Variants in PLB1 observed in about 807,000 individuals in gnomAD.
PLB1 encodes phospholipase B1, membrane-associated.
Under a neutral mutation model 227.4 loss-of-function variants are expected in PLB1, and 242 were observed. That is an observed-to-expected ratio of 1.06 (90% CI 0.96 to 1.18). The LOEUF (loss-of-function observed/expected upper bound fraction) is 1.18, where lower values mean the gene tolerates loss of function less well. PLB1 is among the 50% of genes most tolerant of loss of function. PLB1 has a pLI of 0.00. For synonymous variants in PLB1, 757 were observed against 682.2 expected, an observed-to-expected ratio of 1.11 and a Z score of -1.71; for missense variants, 1,858 against 1,816.3, an observed-to-expected ratio of 1.02 and a Z score of -0.42.
intron 13 of PLB1, among the ~76,000 whole-genome samples, chr2:28,542,182 C>T (rs997335473): frequency 6.6e-6 from 1 of 151,894 alleles, no homozygotes; most frequent in Admixed American, 6.6e-5. Flanking sequence ...GAGGCCTGGG[C>T]CATACATCTG....
chr2:28,608,028 A>G (rs1684924962), intron 43 of PLB1, among the ~76,000 whole-genome samples: 1 of 152,206 alleles, frequency 6.6e-6, no homozygotes, highest in South Asian at 2.1e-4. Flanking sequence ...GATCAGGCAG[A>G]GACCCCCAAA....
rs114314054 is a variant in PLB1 at position 28,563,217 on chromosome 2, G to T, written c.1206+118G>T. On this transcript the variant is annotated intron_variant, in intron 18 of 57. Transcript: ENST00000327757. Reference sequence around the variant, plus strand: ...CCTGGCTCTTAGATGCTACCATCTCGGGTCCTGATCTCCATCTCTCCATTG... The same window carrying T: ...CCTGGCTCTTAGATGCTACCATCTCTGGTCCTGATCTCCATCTCTCCATTG... The T allele has an allele frequency of 1.7e-3, 1,671 of 1,007,568 alleles. 19 individuals carry two copies. In the African/African-American group the frequency reaches 0.023, roughly 14 times the overall value. 62.4% of individuals were successfully genotyped at this position (1,007,568 alleles called of 1,614,324 possible).
In PLB1 at chr2:28,625,040, C is replaced by G; in HGVS notation, c.3528-17C>G. ...CCTGAGCCGGCACTAACGCCCCTCT[C>G]TCTACCCCCCACCTAGGGACATGCC... On this transcript the variant is annotated splice_polypyrimidine_tract_variant and intron_variant, in intron 49 of 57. Coordinates refer to ENST00000327757, the MANE Select transcript of PLB1 (RefSeq NM_153021.5). 1.2e-6 allele frequency: 2 copies of G among 1,612,960 alleles called. No homozygotes were observed. The highest frequency in any genetic ancestry group is 1.7e-4 in the Middle Eastern group (1 of 6,058).
chr2:28,589,337 A>G, intron 26 of PLB1, 113 bp from the exon 27 acceptor site: 1 of 782,150 alleles, frequency 1.3e-6, no homozygotes, highest in Non-Finnish European at 2.1e-6. Flanking sequence ...CACCAGGTTG[A>G]TTTCACTCAA....
At chr2:28,631,526 A>C (rs561608756) in intron 54 of PLB1, among the ~76,000 whole-genome samples, 1 of 152,308 alleles carries the variant, frequency 6.6e-6, no homozygotes, top group Admixed American at 6.5e-5. Flanking sequence ...AAGTACATCT[A>C]GTCTGTTCCT....
At position 28,603,959 on chromosome 2, in the gene PLB1, TG is replaced by T; in HGVS notation, c.2775-6del. 1 of 1,613,948 alleles carries T rather than the reference TG, an allele frequency of 6.2e-7. No individual in the cohort carries two copies. Among genetic ancestry groups the T allele is most frequent in the Non-Finnish European group, 8.5e-7 (1 of 1,179,806 alleles). ...CTGGGGCCTCCTGCCTCCCCCTCTT[TG>T]TGCAGCGTTTTGTGTAACTGCGTTC... On this transcript the variant is annotated splice_polypyrimidine_tract_variant and splice_region_variant and intron_variant, in intron 39 of 57. Transcript: ENST00000327757.
At chr2:28,628,414 G>A in intron 51 of PLB1, 149 bp from the exon 52 acceptor site, 1 of 662,112 alleles carries the variant, frequency 1.5e-6, no homozygotes, top group Non-Finnish European at 2.7e-6. Flanking sequence ...GCAGCAACAA[G>A]AACTGGGCTT....
At chr2:28,508,581 C>T (rs548340918) in intron 1 of PLB1, among the ~76,000 whole-genome samples, 5 of 152,330 alleles carry the variant, frequency 3.3e-5, no homozygotes, top group Non-Finnish European at 5.9e-5. Flanking sequence ...CATAGGGTGA[C>T]AGCTTACAGC....
At chr2:28,633,135 C>CT (rs1234791178) in intron 56 of PLB1, 96 bp downstream of exon 56, 1 of 1,069,992 alleles carries the variant, frequency 9.3e-7, no homozygotes. Context: ...GACATGGCTC[C>CT]TTTCTCCCCA....
intron 56 of PLB1, among the ~76,000 whole-genome samples, chr2:28,639,227 T>A (rs1365551850): frequency 6.6e-6 from 1 of 151,484 alleles, no homozygotes; most frequent in African/African-American, 2.4e-5. Flanking sequence ...AGATGGGAAA[T>A]GAGAAACAAT....
chr2:28,525,346 G>A lies in PLB1; in HGVS notation c.284+39G>A, dbSNP rs199580136. On this transcript the variant is annotated intron_variant, in intron 5 of 57. Coordinates refer to ENST00000327757, the MANE Select transcript of PLB1 (RefSeq NM_153021.5). ...AAACACAGAAAACAGAAAGGAGCCCGGAGATGCTCCCATCTAATCTTCTTG... is the reference window on the plus strand; with the variant it reads ...AAACACAGAAAACAGAAAGGAGCCCAGAGATGCTCCCATCTAATCTTCTTG... The A allele has an allele frequency of 4.2e-4, 675 of 1,593,176 alleles. 2 individuals carry two copies. The highest frequency in any genetic ancestry group is 9.1e-4 in the Middle Eastern group (5 of 5,506).
chr2:28,539,540 A>C (rs140166971), intron 11 of PLB1, among the ~76,000 whole-genome samples: 170 of 152,334 alleles, frequency 1.1e-3, no homozygotes, highest in African/African-American at 3.7e-3. Context: ...CGTAGCCTAA[A>C]TGTAGTTTAA....
In PLB1 at chr2:28,496,145, G is replaced by C. The variant is rs767617834; in HGVS notation, c.31G>C (p.Glu11Gln). 11 of 1,613,970 alleles carry C rather than the reference G, an allele frequency of 6.8e-6. No individual in the cohort carries two copies. The highest frequency in any genetic ancestry group is 8.5e-6 in the Non-Finnish European group (10 of 1,180,002). ...GCTGCGGCCAGGCATTTTCCTCCTGGAGCTGCTGCTGCTTCTGGGGCAAGG... is the reference window on the plus strand; with the variant it reads ...GCTGCGGCCAGGCATTTTCCTCCTGCAGCTGCTGCTGCTTCTGGGGCAAGG... The part of the protein sequence containing the change: MGLRPGIFLL[E>Q]LLLLLGQGTP... Residue 11 changes from glutamate (E) to glutamine (Q), a missense_variant, in exon 1 of 58, where the codon GAG (glutamate) becomes CAG (glutamine). Glu to Gln is a conservative substitution (Grantham distance 29). Transcript: ENST00000327757.
intron 51 of PLB1, 70 bp from the exon 52 acceptor site, chr2:28,628,493 C>G (rs539681706): frequency 1.4e-6 from 2 of 1,419,972 alleles, no homozygotes; most frequent in African/African-American, 2.8e-5. Flanking sequence ...CCCCAGAGCC[C>G]TCCTATGCTC....
At chr2:28,514,902 A>T (rs1206965342) in intron 1 of PLB1, among the ~76,000 whole-genome samples, 1 of 152,066 alleles carries the variant, frequency 6.6e-6, no homozygotes, top group African/African-American at 2.4e-5. Flanking sequence ...CTGGTCTCAA[A>T]TTCCTGAGAT....
intron 17 of PLB1, among the ~76,000 whole-genome samples, chr2:28,560,442 A>G (rs1335843150): frequency 6.6e-6 from 1 of 152,168 alleles, no homozygotes; most frequent in South Asian, 2.1e-4. Flanking sequence ...TAGATGTAGT[A>G]CCTGTGTGTG....
At chr2:28,569,640 G>T (rs192107499) in intron 20 of PLB1, among the ~76,000 whole-genome samples, 1 of 152,214 alleles carries the variant, frequency 6.6e-6, no homozygotes, top group Non-Finnish European at 1.5e-5. Context: ...TCCTAGAAAG[G>T]CACAAACTAC....
At chr2:28,505,692 G>A (rs1203225348) in intron 1 of PLB1, among the ~76,000 whole-genome samples, 3 of 152,204 alleles carry the variant, frequency 2.0e-5, no homozygotes, top group African/African-American at 7.2e-5. Flanking sequence ...CTGAAGGTTG[G>A]CTTTCCTTCC....
intron 24 of PLB1, 69 bp from the exon 25 acceptor site, chr2:28,582,336 C>T (rs1680168259): frequency 7.3e-7 from 1 of 1,377,252 alleles, no homozygotes; most frequent in Non-Finnish European, 1.0e-6. Flanking sequence ...GCAGGAGGAG[C>T]AGGCCCCAAA....
Sources: gnomAD v4.1 joint callset for allele counts (sites outside exome capture counted in the v4.1 genomes callset) on GRCh38, gnomAD v4.1.1 for gene constraint, MANE v1.5 for transcripts, NCBI Gene and HGNC (gene_info 2026-07-23, HGNC 2026-07-21) for gene names.